Variants in TMOD1 observed in about 807,000 individuals in gnomAD.
TMOD1 encodes the protein tropomodulin-1.
TMOD1 carries 17 observed loss-of-function variants against 40.6 expected under a neutral mutation model. The ratio of observed to expected loss-of-function variants is 0.42; its 90% confidence interval spans 0.29 to 0.63. The LOEUF (loss-of-function observed/expected upper bound fraction) is 0.63, where lower values mean the gene tolerates loss of function less well. Ranked by LOEUF, TMOD1 falls within the 20% of genes least tolerant of loss-of-function variation. TMOD1 has a pLI of 0.22. For missense variants in TMOD1, 391 were observed against 447.6 expected, an observed-to-expected ratio of 0.87 and a Z score of 1.14; for synonymous variants, 181 against 175.0, an observed-to-expected ratio of 1.03 and a Z score of -0.27.
intron 8 of TMOD1, among the ~76,000 whole-genome samples, chr9:97,585,138 G>A (rs1025880440): frequency 1.3e-5 from 2 of 152,178 alleles, no homozygotes; most frequent in Admixed American, 6.5e-5. Flanking sequence ...TGCAGCGGCT[G>A]GTACCAGTTG....
chr9:97,508,522 T>C (rs558764000), intron 1 of TMOD1, among the ~76,000 whole-genome samples: 1 of 152,306 alleles, frequency 6.6e-6, no homozygotes, highest in East Asian at 1.9e-4. Flanking sequence ...GGTGTCCCCA[T>C]CTATAAACTG....
At chr9:97,585,625 A>G (rs10982867) in intron 8 of TMOD1, among the ~76,000 whole-genome samples, 14,978 of 127,214 alleles carry the variant, frequency 0.12, 964 homozygotes, top group African/African-American at 0.15. Flanking sequence ...CATTCTCCCC[A>G]TCACTTTCAG....
intron 6 of TMOD1, 58 bp from the exon 7 acceptor site, chr9:97,565,790 C>T: frequency 7.1e-7 from 1 of 1,405,880 alleles, no homozygotes; most frequent in South Asian, 1.2e-5. Flanking sequence ...ATCCACCTGC[C>T]TCAGCCTGTC....
intron 8 of TMOD1, among the ~76,000 whole-genome samples, 181 bp downstream of exon 8, chr9:97,569,218 C>T (rs576339121): frequency 1.2e-4 from 18 of 152,272 alleles, no homozygotes; most frequent in South Asian, 4.1e-4. Context: ...CCTTCTTCAT[C>T]GCTTCCACTA....
chr9:97,535,138 C>G (rs1350608283), intron 2 of TMOD1, among the ~76,000 whole-genome samples: 1 of 152,116 alleles, frequency 6.6e-6, no homozygotes, highest in Non-Finnish European at 1.5e-5. Context: ...ATTCGTAGGT[C>G]AGGGAAGTTG....
At chr9:97,535,105 C>A (rs1191777661) in intron 2 of TMOD1, among the ~76,000 whole-genome samples, 2 of 152,114 alleles carry the variant, frequency 1.3e-5, no homozygotes, top group Non-Finnish European at 2.9e-5. Context: ...GCTCTTCATG[C>A]CTGGCTGATG....
At chr9:97,577,988 A>G (rs1025391968) in intron 8 of TMOD1, among the ~76,000 whole-genome samples, 1 of 152,168 alleles carries the variant, frequency 6.6e-6, no homozygotes, top group African/African-American at 2.4e-5. Context: ...TCTCTCTTCT[A>G]TAAAATGAAT....
At chr9:97,571,664 G>T (rs1830820075) in intron 8 of TMOD1, among the ~76,000 whole-genome samples, 1 of 152,234 alleles carries the variant, frequency 6.6e-6, no homozygotes, top group African/African-American at 2.4e-5. Context: ...TGCCAGGCAG[G>T]CTATGCAACC....
chr9:97,601,202 CATTCTGCAT>C lies in TMOD1; in HGVS notation c.*1505_*1513del. ...TCTCCTTAAAACACAATTGCAGCTG[CATTCTGCAT>C]CGCTGAAAACTGCAATATAATATTA... On this transcript the variant is annotated 3_prime_UTR_variant, in exon 10 of 10. Coordinates refer to ENST00000259365, the MANE Select transcript of TMOD1 (RefSeq NM_003275.4). The C allele has an allele frequency of 2.3e-6, 3 of 1,292,348 alleles. No individual in the cohort carries two copies. The highest frequency in any genetic ancestry group is 3.1e-6 in the Non-Finnish European group (3 of 981,934). The allele number at this position is 1,292,348 out of a possible 1,614,324, so 80.1% of individuals were successfully genotyped here.
chr9:97,599,978 C>CA lies in TMOD1; in HGVS notation c.*281dup, dbSNP rs1339703534. 1.7e-6 allele frequency: 2 copies of CA among 1,211,032 alleles called. No homozygotes were observed. Among genetic ancestry groups the CA allele is most frequent in the Non-Finnish European group, 2.1e-6 (2 of 964,076 alleles). The allele number at this position is 1,211,032 out of a possible 1,614,324, so 75.0% of individuals were successfully genotyped here. On this transcript the variant is annotated 3_prime_UTR_variant, in exon 10 of 10. Coordinates refer to ENST00000259365, the MANE Select transcript of TMOD1 (RefSeq NM_003275.4). ...GATCTTACTGAAGATGATGTTCCAG[C>CA]AGCAGCGACTTAGCCCCAGGAGCCC...
chr9:97,542,378 T>C (rs1830287057), intron 2 of TMOD1, among the ~76,000 whole-genome samples: 2 of 152,228 alleles, frequency 1.3e-5, no homozygotes, highest in African/African-American at 4.8e-5. Context: ...GCCTTTGACA[T>C]TTTTGTTTTT....
upstream of TMOD1, among the ~76,000 whole-genome samples, chr9:97,501,448 G>C (rs1196471213): frequency 4.6e-5 from 7 of 152,118 alleles, no homozygotes; most frequent in Admixed American, 4.6e-4. Context: ...CCCAGGCAGG[G>C]GCCCGCGCTC....
At chr9:97,588,313 C>CA (rs1278978840) in intron 8 of TMOD1, among the ~76,000 whole-genome samples, 5 of 152,164 alleles carry the variant, frequency 3.3e-5, no homozygotes, top group Admixed American at 2.6e-4. Flanking sequence ...AGTGGAATCT[C>CA]ATTGTGGTTT....
chr9:97,566,068 CAGTGG>C, intron 7 of TMOD1, 113 bp downstream of exon 7: 2 of 847,782 alleles, frequency 2.4e-6, no homozygotes, highest in Non-Finnish European at 3.7e-6. Context: ...CTATGTGGTA[CAGTGG>C]AAGGCATTGG....
At chr9:97,504,699 A>G (rs908826183) in intron 1 of TMOD1, among the ~76,000 whole-genome samples, 4 of 152,158 alleles carry the variant, frequency 2.6e-5, no homozygotes, top group Admixed American at 2.6e-4. Context: ...TGGGCTGTGA[A>G]GAGTGTTTTG....
intron 8 of TMOD1, among the ~76,000 whole-genome samples, chr9:97,583,511 C>T (rs945508845): frequency 1.3e-5 from 2 of 150,696 alleles, no homozygotes; most frequent in Admixed American, 6.6e-5. Context: ...TGATGCTGGC[C>T]TCATAAAATG....
intron 9 of TMOD1, among the ~76,000 whole-genome samples, chr9:97,594,767 G>A (rs557155682): frequency 6.6e-6 from 1 of 152,360 alleles, no homozygotes; most frequent in Admixed American, 6.5e-5. Context: ...GAGGAGCCGA[G>A]CTGTGGATCC....
intron 8 of TMOD1, among the ~76,000 whole-genome samples, chr9:97,573,276 G>A (rs1830850277): frequency 6.6e-6 from 1 of 152,234 alleles, no homozygotes; most frequent in Non-Finnish European, 1.5e-5. Flanking sequence ...TGCTCCCCAG[G>A]CCAGACAAGG....
intron 6 of TMOD1, among the ~76,000 whole-genome samples, chr9:97,564,413 G>A (rs567962372): frequency 2.0e-5 from 3 of 152,198 alleles, no homozygotes; most frequent in Non-Finnish European, 4.4e-5. Flanking sequence ...AGGCCCAGAT[G>A]TTTAGCACGG....
Sources: gnomAD v4.1 joint callset for allele counts (sites outside exome capture counted in the v4.1 genomes callset) on GRCh38, gnomAD v4.1.1 for gene constraint, MANE v1.5 for transcripts, NCBI Gene and HGNC (gene_info 2026-07-23, HGNC 2026-07-21) for gene names.